The following ATXN1 variants were observed in gnomAD, a reference collection of about 807,000 sequenced individuals.
The protein encoded by ATXN1 is ataxin-1.
Under a neutral mutation model 56.4 loss-of-function variants are expected in ATXN1, and 8 were observed. The ratio of observed to expected loss-of-function variants is 0.14; its 90% CI spans 0.08 to 0.26. The LOEUF is 0.26. Ranked by LOEUF, ATXN1 falls within the 10% of genes least tolerant of loss-of-function variation. The probability of loss-of-function intolerance (pLI) is 1.00; values close to 1 mark genes in which losing one functional copy is unlikely to be tolerated. For missense variants in ATXN1, 987 were observed against 1,106.5 expected (o/e 0.89, Z 1.53); for synonymous variants, 514 against 494.6 (o/e 1.04, Z -0.52).
chr6:16,572,059 T>C (rs1561760536), intron 4 of ATXN1, among the ~76,000 whole-genome samples: 1 of 152,178 alleles, frequency 6.6e-6, no homozygotes, highest in Non-Finnish European at 1.5e-5. Context: ...TCCTATTCCA[T>C]GGGGAGTTCT....
intron 6 of ATXN1, among the ~76,000 whole-genome samples, chr6:16,330,246 A>G (rs1760949309): frequency 6.6e-6 from 1 of 152,086 alleles, no homozygotes; most frequent in East Asian, 1.9e-4. Context: ...AACACAATAA[A>G]GTAGCGGCCT....
chr6:16,519,286 T>C (rs1321219156), intron 5 of ATXN1, among the ~76,000 whole-genome samples: 1 of 152,192 alleles, frequency 6.6e-6, no homozygotes, highest in Admixed American at 6.5e-5. Context: ...TGGTAAAGAT[T>C]TTTAAAAATG....
intron 6 of ATXN1, among the ~76,000 whole-genome samples, chr6:16,347,085 C>A (rs1761425096): frequency 6.6e-6 from 1 of 152,244 alleles, no homozygotes; most frequent in Non-Finnish European, 1.5e-5. Flanking sequence ...GCGGGCAGGG[C>A]TCGGGACCTG....
intron 2 of ATXN1, among the ~76,000 whole-genome samples, chr6:16,741,793 C>T (rs1368793374): frequency 6.6e-6 from 1 of 152,202 alleles, no homozygotes; most frequent in African/African-American, 2.4e-5. Flanking sequence ...CTGCTAATCA[C>T]TAGGATGACT....
chr6:16,658,599 G>A (rs1363605327), intron 2 of ATXN1, among the ~76,000 whole-genome samples: 1 of 152,194 alleles, frequency 6.6e-6, no homozygotes, highest in Admixed American at 6.5e-5. Context: ...GTCTGACAAG[G>A]TCACTCTGAA....
intron 5 of ATXN1, among the ~76,000 whole-genome samples, chr6:16,510,173 T>A (rs1371758259): frequency 1.3e-5 from 2 of 152,178 alleles, no homozygotes; most frequent in Non-Finnish European, 2.9e-5. Flanking sequence ...TTTTTGAAAA[T>A]CAAATATGGC....
chr6:16,458,530 A>G (rs1759925966), intron 6 of ATXN1, among the ~76,000 whole-genome samples: 1 of 152,210 alleles, frequency 6.6e-6, no homozygotes, highest in East Asian at 1.9e-4. Flanking sequence ...TGGAGGCATT[A>G]TTAAACCTGG....
intron 6 of ATXN1, among the ~76,000 whole-genome samples, chr6:16,390,421 G>T (rs1758328903): frequency 6.6e-6 from 1 of 151,958 alleles, no homozygotes; most frequent in African/African-American, 2.4e-5. Flanking sequence ...CACTGCCTTT[G>T]GGATGCCTGA....
rs763742607 is a variant in ATXN1 at position 16,326,619 on chromosome 6, C to T, written c.1692G>A (p.Ala564=). The change falls in exon 7 of 8, where the codon GCG becomes GCA. Residue 564 remains alanine (A), a synonymous_variant. Coordinates refer to ENST00000436367, the MANE Select transcript of ATXN1 (RefSeq NM_001128164.2). The surrounding 1 kb of genome is among the most constrained non-coding windows in gnomAD (Gnocchi z 6.6). The stretch of plus-strand genomic sequence containing the variant: ...AGGGAGGCAGCGTAGGGGGAGCCGC[C>T]GCCGGGGAGGCCACGGACTGCACCA... ...LPVVQSVASP[A]AAPPTLPPYF... is the part of the protein sequence containing the mutation. The T allele has an allele frequency of 3.1e-5, 50 of 1,613,952 alleles. No homozygotes were observed. The highest frequency in any genetic ancestry group is 4.5e-5 in the East Asian group (2 of 44,898).
chr6:16,673,020 C>CAAAAAAAAAAAAAA (rs559212594), intron 2 of ATXN1, among the ~76,000 whole-genome samples: 1 of 105,546 alleles, frequency 9.5e-6, no homozygotes, highest in Non-Finnish European at 1.9e-5. Context: ...TCCCCCCCGC[C>CAAAAAAAAAAAAAA]AAAAAAAAAA....
rs1270814113 is a variant in ATXN1, at chr6:16,760,841, C to A, written c.-730+457G>T. 6.6e-6 allele frequency among the ~76,000 whole-genome samples: 1 copy of A among 150,436 alleles called. No individual in the cohort carries two copies. Among genetic ancestry groups the A allele is most frequent in the Non-Finnish European group, 1.5e-5 (1 of 67,358 alleles). On this transcript the variant is annotated intron_variant, in intron 1 of 7. Transcript: ENST00000436367. The surrounding 1 kb of genome is among the most constrained non-coding windows in gnomAD (Gnocchi z 5.3). ...GCCGCCGCCTCCCCCCTGCGCCACC[C>A]GGAGGGAGGAGGACATGGCTCTCCG...
chr6:16,671,132 G>A (rs1178740565), intron 2 of ATXN1, among the ~76,000 whole-genome samples: 1 of 152,186 alleles, frequency 6.6e-6, no homozygotes, highest in Non-Finnish European at 1.5e-5. Flanking sequence ...GTAAGATGAT[G>A]CCATAATTGT....
intron 6 of ATXN1, among the ~76,000 whole-genome samples, chr6:16,335,499 G>C (rs985723198): frequency 1.3e-5 from 2 of 152,206 alleles, no homozygotes; most frequent in African/African-American, 2.4e-5. Context: ...AGAAATGAAA[G>C]CTCGTAATCC....
chr6:16,538,583 TC>T (rs983280000), intron 4 of ATXN1, among the ~76,000 whole-genome samples: 5 of 93,354 alleles, frequency 5.4e-5, no homozygotes, highest in African/African-American at 2.1e-4. Context: ...CCTTCCCCCC[TC>T]CCCCCACCCC....
chr6:16,611,120 T>G (rs1354163308), intron 3 of ATXN1, among the ~76,000 whole-genome samples: 1 of 152,186 alleles, frequency 6.6e-6, no homozygotes, highest in Non-Finnish European at 1.5e-5. Context: ...TAATCCTTAT[T>G]AAGAAAAGTT....
At chr6:16,529,027 A>G (rs1314198318) in intron 4 of ATXN1, among the ~76,000 whole-genome samples, 2 of 151,988 alleles carry the variant, frequency 1.3e-5, no homozygotes, top group African/African-American at 4.8e-5. Context: ...AAAAATACAG[A>G]AATTAGCTGG....
At chr6:16,559,708 C>T (rs1302685483) in intron 4 of ATXN1, among the ~76,000 whole-genome samples, 1 of 152,052 alleles carries the variant, frequency 6.6e-6, no homozygotes, top group Non-Finnish European at 1.5e-5. Context: ...GTACATCTAT[C>T]GTACCTTCTG....
chr6:16,416,662 C>T (rs1397645404), intron 6 of ATXN1, among the ~76,000 whole-genome samples: 1 of 152,178 alleles, frequency 6.6e-6, no homozygotes, highest in Non-Finnish European at 1.5e-5. Context: ...TCATCTTGCT[C>T]GTACACCCTA....
At chr6:16,720,265 G>A (rs894121024) in intron 2 of ATXN1, among the ~76,000 whole-genome samples, 8 of 152,062 alleles carry the variant, frequency 5.3e-5, no homozygotes, top group East Asian at 3.9e-4. Context: ...AATCCCCTTC[G>A]CCCCTGCCAT....
Sources: gnomAD v4.1 joint callset for allele counts (sites outside exome capture counted in the v4.1 genomes callset) on GRCh38, gnomAD v4.1.1 for gene constraint, Gnocchi (gnomAD v3.1) non-coding constraint, MANE v1.5 for transcripts, NCBI Gene and HGNC (gene_info 2026-07-23, HGNC 2026-07-21) for gene names.